GRIK2: variants seen among roughly 807,000 people sequenced by gnomAD.
GRIK2 encodes the protein glutamate ionotropic receptor kainate type subunit 2, also known as glutamate receptor ionotropic, kainate 2.
A neutral mutation model predicts 100.3 loss-of-function variants in GRIK2; 32 were observed. The ratio of observed to expected loss-of-function variants is 0.32; its 90% CI spans 0.24 to 0.43. The LOEUF (loss-of-function observed/expected upper bound fraction) is 0.43. Ranked by LOEUF, GRIK2 falls within the 20% of genes least tolerant of loss-of-function variation. The pLI, the probability that GRIK2 is intolerant of heterozygous loss-of-function variation, is 1.00. For synonymous variants in GRIK2, 417 were observed against 389.4 expected, an observed-to-expected ratio of 1.07 and a Z score of -0.83; for missense variants, 843 against 1,114.9, an observed-to-expected ratio of 0.76 and a Z score of 3.47.
chr6:101,833,853 T>C (rs1337831611), intron 10 of GRIK2, among the ~76,000 whole-genome samples: 1 of 152,118 alleles, frequency 6.6e-6, no homozygotes, highest in Non-Finnish European at 1.5e-5. Context: ...TTAACTACTT[T>C]GCTAGTTTCT....
At chr6:101,995,658 A>T (rs1794612336) in intron 14 of GRIK2, among the ~76,000 whole-genome samples, 1 of 151,982 alleles carries the variant, frequency 6.6e-6, no homozygotes, top group African/African-American at 2.4e-5. Context: ...AAATATTTCA[A>T]TCCTAGAGTA....
intron 2 of GRIK2, 45 bp from the exon 3 acceptor site, chr6:101,621,904 G>T: frequency 3.8e-6 from 5 of 1,326,072 alleles, no homozygotes; most frequent in Non-Finnish European, 5.4e-6. Flanking sequence ...TGAAAATTAT[G>T]TTTATTCTTG....
chr6:101,782,518 T>C (rs1779160714), intron 7 of GRIK2, among the ~76,000 whole-genome samples: 1 of 152,218 alleles, frequency 6.6e-6, no homozygotes, highest in Admixed American at 6.5e-5. Flanking sequence ...CCATCCATGT[T>C]GCTGCAAATG....
chr6:101,900,575 T>C (rs905655943), intron 12 of GRIK2, among the ~76,000 whole-genome samples: 6 of 152,196 alleles, frequency 3.9e-5, no homozygotes, highest in African/African-American at 1.4e-4. Flanking sequence ...AGAATGCATA[T>C]ATATAATTTT....
At chr6:101,676,559 A>T (rs1770855507) in intron 4 of GRIK2, 64 bp from the exon 5 acceptor site, 1 of 942,870 alleles carries the variant, frequency 1.1e-6, no homozygotes. Context: ...GTGTTTTCTG[A>T]TTCTTTGCCC....
intron 14 of GRIK2, among the ~76,000 whole-genome samples, chr6:102,002,624 T>C (rs560760865): frequency 1.3e-5 from 2 of 150,894 alleles, no homozygotes; most frequent in Non-Finnish European, 3.0e-5. Flanking sequence ...AGTTTACTTA[T>C]GCTATAAAAT....
Position 101,932,419 on chromosome 6 carries a change from T to G in GRIK2, c.2085+3787T>G, listed in dbSNP as rs115873991. On this transcript the variant is annotated intron_variant, in intron 14 of 16. Coordinates refer to ENST00000369134, the MANE Select transcript of GRIK2 (RefSeq NM_021956.5). ...TCTTTCTCTAATGCCCATTATGCTCTTTTTTCATCCCCATCCACCTCTACC... is the reference window on the plus strand; with the variant it reads ...TCTTTCTCTAATGCCCATTATGCTCGTTTTTCATCCCCATCCACCTCTACC... 5.5e-3 allele frequency among the ~76,000 whole-genome samples: 843 copies of G among 152,050 alleles called. 5 individuals are homozygous for G. Among genetic ancestry groups the G allele is most frequent in the African/African-American group, 0.019 (799 of 41,538 alleles).
At chr6:101,456,103 A>T (rs1770996408) in intron 2 of GRIK2, among the ~76,000 whole-genome samples, 1 of 151,242 alleles carries the variant, frequency 6.6e-6, no homozygotes, top group Non-Finnish European at 1.5e-5. Context: ...GGACATTAGC[A>T]GGAATTGGGA....
At chr6:101,581,018 C>A (rs1479257602) in intron 2 of GRIK2, among the ~76,000 whole-genome samples, 2 of 151,890 alleles carry the variant, frequency 1.3e-5, no homozygotes, top group African/African-American at 4.8e-5. Flanking sequence ...ACTTATTTTT[C>A]CCCTGATAGA....
At chr6:101,577,091 A>G (rs2128301323) in intron 2 of GRIK2, among the ~76,000 whole-genome samples, 1 of 152,162 alleles carries the variant, frequency 6.6e-6, no homozygotes. Flanking sequence ...TTAGATATCA[A>G]GTAATAGACT....
intron 2 of GRIK2, among the ~76,000 whole-genome samples, chr6:101,573,106 A>G (rs1038193098): frequency 9.2e-5 from 14 of 152,042 alleles, no homozygotes; most frequent in African/African-American, 3.4e-4. Context: ...TCGGCCTCCC[A>G]AAGTGCTGGA....
chr6:101,797,828 C>A (rs1233998483), intron 7 of GRIK2, among the ~76,000 whole-genome samples: 2 of 146,092 alleles, frequency 1.4e-5, no homozygotes, highest in Non-Finnish European at 3.0e-5. Flanking sequence ...ATATATAAAA[C>A]CATTATTTAT....
intron 7 of GRIK2, among the ~76,000 whole-genome samples, chr6:101,700,011 A>G (rs1464421943): frequency 3.3e-5 from 5 of 152,084 alleles, no homozygotes; most frequent in East Asian, 3.9e-4. Flanking sequence ...TTAGCCTGGC[A>G]TAGTTTCACA....
At chr6:101,823,344 ATTTAT>A (rs1208862057) in intron 10 of GRIK2, among the ~76,000 whole-genome samples, 1 of 142,978 alleles carries the variant, frequency 7.0e-6, no homozygotes, top group East Asian at 3.0e-4. Context: ...AGCATTAAAC[ATTTAT>A]TTTATATATT....
intron 2 of GRIK2, among the ~76,000 whole-genome samples, chr6:101,510,777 C>A (rs1774274341): frequency 6.6e-6 from 1 of 151,854 alleles, no homozygotes; most frequent in South Asian, 2.1e-4. Flanking sequence ...CTGCCTCAGC[C>A]TCCCAAAGTG....
At chr6:102,010,116 A>G (rs1795450238) in intron 14 of GRIK2, among the ~76,000 whole-genome samples, 2 of 152,206 alleles carry the variant, frequency 1.3e-5, no homozygotes, top group African/African-American at 4.8e-5. Context: ...CACATGCGCA[A>G]TCTCTCCCAC....
chr6:101,807,236 A>T (rs1035060764), intron 9 of GRIK2, among the ~76,000 whole-genome samples: 1 of 151,890 alleles, frequency 6.6e-6, no homozygotes, highest in Non-Finnish European at 1.5e-5. Flanking sequence ...TCAATGTTTC[A>T]AGTGGGTAAA....
chr6:101,944,704 C>T (rs981410595), intron 14 of GRIK2, among the ~76,000 whole-genome samples: 1 of 151,806 alleles, frequency 6.6e-6, no homozygotes. Flanking sequence ...TATTTTTTAT[C>T]TAGAAAGCTG....
intron 4 of GRIK2, among the ~76,000 whole-genome samples, chr6:101,639,855 T>C (rs1020156691): frequency 6.6e-6 from 1 of 152,178 alleles, no homozygotes; most frequent in Non-Finnish European, 1.5e-5. Context: ...TAGGATAGTA[T>C]TTCAGTGACT....
Sources: gnomAD v4.1 joint callset for allele counts (sites outside exome capture counted in the v4.1 genomes callset) on GRCh38, gnomAD v4.1.1 for gene constraint, MANE v1.5 for transcripts, NCBI Gene and HGNC (gene_info 2026-07-23, HGNC 2026-07-21) for gene names.